ANO4: variants seen among roughly 807,000 people sequenced by gnomAD.
ANO4 encodes the protein anoctamin-4.
ANO4 carries 69 observed loss-of-function variants against 141.9 expected under a neutral mutation model. The observed-to-expected ratio is 0.49, with a 90% CI of 0.40 to 0.59. The LOEUF (loss-of-function observed/expected upper bound fraction) is 0.59. Among genes scored for constraint, ANO4 ranks in the 20% least tolerant of loss-of-function variants. The pLI, the probability that ANO4 is intolerant of heterozygous loss-of-function variation, is 0.00. For missense variants in ANO4, 894 were observed against 1,162.2 expected (o/e 0.77, Z 3.36); for synonymous variants, 350 against 394.3 (o/e 0.89, Z 1.33).
chr12:100,999,591 T>C lies in ANO4; in HGVS notation c.734+11921T>C, dbSNP rs556215364. On this transcript the variant is annotated intron_variant, in intron 8 of 27. Coordinates refer to ENST00000392977, the MANE Select transcript of ANO4 (RefSeq NM_001286615.2). The stretch of plus-strand genomic sequence containing the variant: ...TGTGGATATCTTTGGAGGGCCATAA[T>C]ATTGCCTATCACAGCTGTACAAATT... Among the ~76,000 whole-genome samples the C allele has an allele frequency of 2.8e-3, 420 of 152,220 alleles. 3 individuals carry two copies. The highest frequency in any genetic ancestry group is 9.4e-3 in the African/African-American group (389 of 41,528).
chr12:101,049,698 C>A (rs1226769048), intron 14 of ANO4, among the ~76,000 whole-genome samples: 1 of 152,088 alleles, frequency 6.6e-6, no homozygotes, highest in African/African-American at 2.4e-5. Flanking sequence ...AAACATAAAA[C>A]CTTGTTCACT....
chr12:101,071,856 A>C (rs2048824961), intron 14 of ANO4, among the ~76,000 whole-genome samples: 3 of 152,152 alleles, frequency 2.0e-5, no homozygotes, highest in Admixed American at 2.0e-4. Flanking sequence ...AAATAAAAAA[A>C]TTAAATTAAA....
chr12:100,833,766 G>A (rs186335173), intron 1 of ANO4, among the ~76,000 whole-genome samples: 5 of 152,116 alleles, frequency 3.3e-5, no homozygotes, highest in Admixed American at 6.5e-5. Context: ...TTGTCTCAGA[G>A]CCTCATCCTT....
Position 100,991,198 on chromosome 12 carries a change from C to T in ANO4, c.734+3528C>T, listed in dbSNP as rs569293029. Among the ~76,000 whole-genome samples the T allele has an allele frequency of 1.4e-4, 22 of 152,192 alleles. No individual in the cohort carries two copies. The East Asian group carries it at 3.7e-3, about 25-fold the overall frequency. ...GCCATGTCACATAGATAGCATCCCT[C>T]GGGTGTATAAAAGTATGACTTGAAG... On this transcript the variant is annotated intron_variant, in intron 8 of 27. Transcript: ENST00000392977.
intron 1 of ANO4, among the ~76,000 whole-genome samples, chr12:100,807,026 A>C (rs1445925418): frequency 6.6e-6 from 1 of 152,176 alleles, no homozygotes; most frequent in East Asian, 1.9e-4. Context: ...AGAAAAGCCT[A>C]ACCCACTCTG....
rs140694393 is a variant in ANO4 at position 100,993,936 on chromosome 12, C to T, written c.734+6266C>T. Among the ~76,000 whole-genome samples the T allele has an allele frequency of 2.3e-3, 344 of 152,288 alleles. 1 individual carries two copies. The highest frequency in any genetic ancestry group is 4.1e-3 in the Non-Finnish European group (281 of 68,030). On this transcript the variant is annotated intron_variant, in intron 8 of 27. Coordinates refer to ENST00000392977, the MANE Select transcript of ANO4 (RefSeq NM_001286615.2). Reference sequence around the variant, plus strand: ...CTAGGTCTCACCCTTATAAGCATTACGCTCTATTGTGAGATTTCTCAGCCT... The same window carrying T: ...CTAGGTCTCACCCTTATAAGCATTATGCTCTATTGTGAGATTTCTCAGCCT...
chr12:101,024,832 A>C (rs538538395), intron 9 of ANO4, among the ~76,000 whole-genome samples: 9 of 152,328 alleles, frequency 5.9e-5, no homozygotes, highest in South Asian at 2.1e-4. Context: ...TTTTTCTTAG[A>C]TATTTAGTAT....
intron 14 of ANO4, among the ~76,000 whole-genome samples, chr12:101,057,237 C>G (rs1444557214): frequency 6.6e-6 from 1 of 152,092 alleles, no homozygotes; most frequent in Non-Finnish European, 1.5e-5. Flanking sequence ...GCCACATTTT[C>G]TTTATTCAGT....
At chr12:100,851,766 C>T (rs11110556) in intron 1 of ANO4, among the ~76,000 whole-genome samples, 27,548 of 151,970 alleles carry the variant, frequency 0.18, 2,949 homozygotes, top group Middle Eastern at 0.28. Context: ...AGGAAGGCCT[C>T]GCTTACCAGA....
chr12:100,854,590 G>A lies in ANO4; in HGVS notation c.-140-47056G>A, dbSNP rs2038064759. Reference sequence around the variant, plus strand: ...TGCATTCTGCATGATTTTCCCAGGTGTATCACCTCCCTTATTACCTCCCTC... The same window carrying A: ...TGCATTCTGCATGATTTTCCCAGGTATATCACCTCCCTTATTACCTCCCTC... On this transcript the variant is annotated intron_variant, in intron 1 of 27. Coordinates refer to ENST00000392977, the MANE Select transcript of ANO4 (RefSeq NM_001286615.2). Among the ~76,000 whole-genome samples the A allele has an allele frequency of 2.0e-5, 3 of 152,138 alleles. No homozygotes were observed. In the South Asian group the frequency reaches 6.2e-4, roughly 32 times the overall value.
At chr12:101,037,419 T>G (rs1272442486) in intron 10 of ANO4, among the ~76,000 whole-genome samples, 4 of 152,190 alleles carry the variant, frequency 2.6e-5, no homozygotes, top group African/African-American at 9.6e-5. Context: ...ACTTTAAGTC[T>G]TAAAATTAAA....
chr12:100,797,794 T>C (rs933816030), intron 1 of ANO4, among the ~76,000 whole-genome samples: 2 of 151,942 alleles, frequency 1.3e-5, no homozygotes, highest in African/African-American at 4.8e-5. Context: ...GCTTTCTCTC[T>C]TCTTCACTTT....
intron 3 of ANO4, among the ~76,000 whole-genome samples, chr12:100,755,761 A>G (rs1022120339): frequency 6.6e-6 from 1 of 152,162 alleles, no homozygotes; most frequent in African/African-American, 2.4e-5. Context: ...CAGTTTGAGC[A>G]CTCACTTAGC....
At chr12:100,717,604 G>A (rs541727815) in intron 1 of ANO4, 57 of 399,548 alleles carry the variant, frequency 1.4e-4, no homozygotes, top group African/African-American at 1.1e-3. Flanking sequence ...GGGGCCCAGG[G>A]AGCCGTCGAA....
intron 1 of ANO4, among the ~76,000 whole-genome samples, chr12:100,879,800 G>C (rs928475568): frequency 3.3e-5 from 5 of 152,130 alleles, no homozygotes; most frequent in Admixed American, 3.3e-4. Context: ...TTATATTAAT[G>C]AAAGAACACA....
chr12:100,836,870 C>G (rs2036955468), intron 1 of ANO4, among the ~76,000 whole-genome samples: 2 of 152,056 alleles, frequency 1.3e-5, no homozygotes, highest in African/African-American at 2.4e-5. Context: ...ATTCCAGGTT[C>G]CTGTGGATGA....
chr12:101,005,673 A>C (rs893508516), intron 8 of ANO4, among the ~76,000 whole-genome samples: 3 of 152,220 alleles, frequency 2.0e-5, no homozygotes, highest in Admixed American at 2.0e-4. Flanking sequence ...ATCAGTGCTT[A>C]TGGTATATGT....
chr12:100,729,460 AT>A (rs1565841954), intron 1 of ANO4, among the ~76,000 whole-genome samples: 1 of 151,394 alleles, frequency 6.6e-6, no homozygotes, highest in African/African-American at 2.4e-5. Context: ...GTATTAAATA[AT>A]TGAATGCTCA....
rs1438073359 is a variant in ANO4, at chr12:100,937,777, C to G, written c.161-1538C>G. On this transcript the variant is annotated intron_variant, in intron 3 of 27. Transcript: ENST00000392977. The stretch of plus-strand genomic sequence containing the variant: ...GGGAGAATCTGCTTTTTTGTCTTTT[C>G]TGTCTTCTAAAAGCCACCCGCGTTT... Among the ~76,000 whole-genome samples, 4 of 152,230 alleles carry G rather than the reference C, an allele frequency of 2.6e-5. No homozygotes were observed. In the South Asian group the frequency reaches 6.2e-4, roughly 24 times the overall value.
Sources: allele counts gnomAD v4.1 joint callset (sites outside exome capture counted in the v4.1 genomes callset), GRCh38; gene constraint gnomAD v4.1.1; transcripts MANE v1.5; gene names NCBI Gene and HGNC (gene_info 2026-07-23, HGNC 2026-07-21).